The following TENM3 variants were observed in gnomAD, a reference collection of about 807,000 sequenced individuals.
The protein encoded by TENM3 is teneurin transmembrane protein 3.
Under a neutral mutation model 255.1 loss-of-function variants are expected in TENM3, and 63 were observed. The observed-to-expected ratio is 0.25, with a 90% CI of 0.20 to 0.30. The LOEUF is 0.30. Ranked by LOEUF, TENM3 falls within the 10% of genes least tolerant of loss-of-function variation. TENM3 has a pLI of 1.00. For missense variants in TENM3, 2,929 were observed against 3,461.1 expected (o/e 0.85, Z 3.86); for synonymous variants, 1,306 against 1,322.3 (o/e 0.99, Z 0.27).
At chr4:181,992,193 G>T in the TENM3 span, among the ~76,000 whole-genome samples, 1 of 152,106 alleles carries the variant, frequency 6.6e-6, no homozygotes, top group Non-Finnish European at 1.5e-5. Context: ...TTTACCAAAA[G>T]TCTCGGTACC....
the TENM3 span, among the ~76,000 whole-genome samples, chr4:181,874,016 C>T: frequency 6.6e-6 from 1 of 152,148 alleles, no homozygotes; most frequent in Non-Finnish European, 1.5e-5. Flanking sequence ...ATATCCTGAC[C>T]TGGTGATTCG....
At chr4:182,552,216 A>G (rs982136795) in intron 3 of TENM3, among the ~76,000 whole-genome samples, 2 of 151,926 alleles carry the variant, frequency 1.3e-5, no homozygotes, top group Non-Finnish European at 2.9e-5. Flanking sequence ...AGGCTGAGGC[A>G]CTTGTGGCCA....
the TENM3 span, among the ~76,000 whole-genome samples, chr4:181,748,390 A>G: frequency 6.6e-6 from 1 of 152,088 alleles, no homozygotes; most frequent in Admixed American, 6.6e-5. Flanking sequence ...ACACACACCT[A>G]TACATAGTCC....
the TENM3 span, among the ~76,000 whole-genome samples, chr4:181,583,903 C>A: frequency 1.3e-5 from 2 of 152,276 alleles, no homozygotes; most frequent in South Asian, 4.1e-4. Context: ...TCCAGGACAC[C>A]TTCCTTGTCT....
chr4:182,070,605 A>C, the TENM3 span, among the ~76,000 whole-genome samples: 1 of 152,210 alleles, frequency 6.6e-6, no homozygotes, highest in Non-Finnish European at 1.5e-5. Context: ...TGACAGAGTG[A>C]GACTCTGTGT....
At chr4:182,003,083 G>A in the TENM3 span, among the ~76,000 whole-genome samples, 2 of 151,990 alleles carry the variant, frequency 1.3e-5, no homozygotes, top group Admixed American at 6.6e-5. Flanking sequence ...GGTATTTCTG[G>A]AAATACAAAT....
At chr4:182,531,837 G>T (rs2151842666) in intron 3 of TENM3, among the ~76,000 whole-genome samples, 1 of 152,330 alleles carries the variant, frequency 6.6e-6, no homozygotes, top group Admixed American at 6.5e-5. Context: ...AAGGAAAGCG[G>T]ATTCAGCATA....
intron 1 of TENM3, among the ~76,000 whole-genome samples, chr4:182,215,805 C>T (rs577863460): frequency 6.6e-6 from 1 of 152,312 alleles, no homozygotes; most frequent in East Asian, 1.9e-4. Flanking sequence ...TCTCTTCTAA[C>T]TTGCAATCAG....
chr4:182,785,025 A>T (rs2152817685), intron 24 of TENM3, among the ~76,000 whole-genome samples: 1 of 152,076 alleles, frequency 6.6e-6, no homozygotes, highest in South Asian at 2.1e-4. Flanking sequence ...GGCGTCTCTC[A>T]TGCTGGGAGC....
At chr4:182,502,980 C>CTGGTTTAT (rs1736470824) in intron 3 of TENM3, among the ~76,000 whole-genome samples, 1 of 121,262 alleles carries the variant, frequency 8.2e-6, no homozygotes, top group Non-Finnish European at 1.6e-5. Context: ...TTATCTGAAA[C>CTGGTTTAT]TGGTTTATTT....
chr4:182,078,440 T>C, the TENM3 span, among the ~76,000 whole-genome samples: 1 of 152,116 alleles, frequency 6.6e-6, no homozygotes, highest in Non-Finnish European at 1.5e-5. Context: ...GGGAATCGCT[T>C]GAACCTGGGA....
At chr4:181,557,587 C>T in the TENM3 span, among the ~76,000 whole-genome samples, 3 of 152,054 alleles carry the variant, frequency 2.0e-5, no homozygotes, top group Admixed American at 2.0e-4. Flanking sequence ...AGTGCAGTGA[C>T]GCAATCACAG....
intron 18 of TENM3, among the ~76,000 whole-genome samples, chr4:182,740,608 T>G (rs574640308): frequency 6.6e-6 from 1 of 152,170 alleles, no homozygotes; most frequent in Non-Finnish European, 1.5e-5. Flanking sequence ...CTACAGGATT[T>G]CACTCAAGAG....
Position 182,497,689 on chromosome 4 carries a change from G to A in TENM3, c.512-103235G>A, listed in dbSNP as rs528949617. Among the ~76,000 whole-genome samples the A allele has an allele frequency of 2.6e-5, 4 of 151,948 alleles. No individual in the cohort carries two copies. In the South Asian group the frequency reaches 8.3e-4, roughly 32 times the overall value. On this transcript the variant is annotated intron_variant, in intron 3 of 27. Coordinates refer to ENST00000511685, the MANE Select transcript of TENM3 (RefSeq NM_001080477.4). Reference sequence around the variant, plus strand: ...AAACAGGCAACAATTTTATGCTTCCGATACAATTAGATACAGTTACCAATC... The same window carrying A: ...AAACAGGCAACAATTTTATGCTTCCAATACAATTAGATACAGTTACCAATC...
intron 3 of TENM3, among the ~76,000 whole-genome samples, chr4:182,508,467 A>G (rs1737055831): frequency 6.6e-6 from 1 of 152,060 alleles, no homozygotes; most frequent in African/African-American, 2.4e-5. Context: ...GCATTTTGCA[A>G]TAATTATCAC....
chr4:182,389,920 C>A (rs1268729340), intron 3 of TENM3, among the ~76,000 whole-genome samples: 4 of 152,052 alleles, frequency 2.6e-5, no homozygotes, highest in African/African-American at 7.2e-5. Context: ...CTCCTGACCT[C>A]GTGATCCGCC....
At chr4:181,884,622 T>C in the TENM3 span, among the ~76,000 whole-genome samples, 1 of 152,238 alleles carries the variant, frequency 6.6e-6, no homozygotes, top group Non-Finnish European at 1.5e-5. Context: ...TGTTGTAGCA[T>C]GTATCAGAAT....
At chr4:181,934,911 A>G in the TENM3 span, among the ~76,000 whole-genome samples, 1 of 152,308 alleles carries the variant, frequency 6.6e-6, no homozygotes, top group East Asian at 1.9e-4. Context: ...TTAAGTTGAT[A>G]TGATGCTAGC....
the TENM3 span, among the ~76,000 whole-genome samples, chr4:181,683,672 C>T: frequency 3.9e-5 from 6 of 152,140 alleles, no homozygotes; most frequent in Non-Finnish European, 7.4e-5. Flanking sequence ...GTTACTCGTG[C>T]AAGGCGATGG....
Sources: allele counts gnomAD v4.1 joint callset (sites outside exome capture counted in the v4.1 genomes callset), GRCh38; gene constraint gnomAD v4.1.1; transcripts MANE v1.5; gene names NCBI Gene and HGNC (gene_info 2026-07-23, HGNC 2026-07-21).